Variants in MED13L observed in about 807,000 individuals in gnomAD.
MED13L encodes the protein mediator complex subunit 13L.
A neutral mutation model predicts 220.9 loss-of-function variants in MED13L; 7 were observed. The observed-to-expected ratio is 0.03, with a 90% CI of 0.02 to 0.06. The LOEUF is 0.06. Ranked by LOEUF, MED13L falls within the 10% of genes least tolerant of loss-of-function variation. The pLI, the probability that MED13L is intolerant of heterozygous loss-of-function variation, is 1.00. For synonymous variants in MED13L, 1,011 were observed against 1,015.2 expected (o/e 1.00, Z 0.08); for missense variants, 1,965 against 2,760.5 (o/e 0.71, Z 6.46).
intron 4 of MED13L, among the ~76,000 whole-genome samples, chr12:116,056,772 A>G (rs1869011022): frequency 6.6e-6 from 1 of 152,180 alleles, no homozygotes; most frequent in African/African-American, 2.4e-5. Context: ...ATGATTGCAC[A>G]ATTATAGGAT....
At chr12:115,968,819 T>C (rs1195146103) in intron 28 of MED13L, 121 bp downstream of exon 28, 3 of 1,261,144 alleles carry the variant, frequency 2.4e-6, no homozygotes, top group East Asian at 2.3e-5. Context: ...TTATTTCTCT[T>C]GTACCAAGGA....
At chr12:116,146,521 A>G (rs144104743) in intron 2 of MED13L, among the ~76,000 whole-genome samples, 241 of 151,612 alleles carry the variant, frequency 1.6e-3, no homozygotes, top group Non-Finnish European at 2.7e-3. Flanking sequence ...TTCTTTCAGC[A>G]TGGCCTAGGG....
intron 4 of MED13L, among the ~76,000 whole-genome samples, chr12:116,045,546 T>G (rs569093495): frequency 6.6e-6 from 1 of 152,170 alleles, no homozygotes; most frequent in Non-Finnish European, 1.5e-5. Context: ...CTATGGACAG[T>G]CTGTACTGAA....
intron 2 of MED13L, among the ~76,000 whole-genome samples, chr12:116,233,090 G>GAAAAAA (rs530903194): frequency 1.2e-5 from 1 of 82,952 alleles, no homozygotes. Context: ...CTGTCTAAAG[G>GAAAAAA]AAAAAAAAAA....
intron 1 of MED13L, among the ~76,000 whole-genome samples, chr12:116,241,337 A>C (rs886117578): frequency 6.6e-5 from 10 of 151,048 alleles, no homozygotes; most frequent in Non-Finnish European, 1.0e-4. Context: ...AAAAACAAAA[A>C]AAAAACACAC....
In MED13L at chr12:116,048,599, T is replaced by C. The variant is rs557185189; in HGVS notation, c.480-25998A>G. 5.3e-5 allele frequency among the ~76,000 whole-genome samples: 8 copies of C among 152,258 alleles called. No individual in the cohort carries two copies. In the South Asian group the frequency reaches 1.7e-3, roughly 32 times the overall value. Reference sequence around the variant, plus strand: ...CTTGTGATACCATATGGGCACCTTCTTCAGCTGATAATGCTTAAGAAATAA... The same window carrying C: ...CTTGTGATACCATATGGGCACCTTCCTCAGCTGATAATGCTTAAGAAATAA... On this transcript the variant is annotated intron_variant, in intron 4 of 30. Coordinates refer to ENST00000281928, the MANE Select transcript of MED13L (RefSeq NM_015335.5).
In MED13L at chr12:115,983,553, A is replaced by G. The variant is rs1284749965; in HGVS notation, c.4532-13T>C. 1 of 1,613,810 alleles carries G rather than the reference A, an allele frequency of 6.2e-7. No individual in the cohort carries two copies. The highest frequency in any genetic ancestry group is 1.7e-5 in the Admixed American group (1 of 60,012). On this transcript the variant is annotated splice_polypyrimidine_tract_variant and intron_variant, in intron 20 of 30. Transcript: ENST00000281928. ...GCTAAATAAGGTGCTGAAAGAATAC[A>G]TGCAAAGAGGTGACTTTAGTGATAT...
intron 3 of MED13L, among the ~76,000 whole-genome samples, chr12:116,100,598 C>CA (rs760855189): frequency 0.061 from 4,011 of 65,800 alleles, 104 homozygotes; most frequent in East Asian, 0.12. Context: ...GACTCCGTCT[C>CA]AAAAAAAAAA....
At chr12:116,044,707 G>A (rs540330615) in intron 4 of MED13L, among the ~76,000 whole-genome samples, 6 of 152,214 alleles carry the variant, frequency 3.9e-5, no homozygotes, top group East Asian at 1.9e-4. Flanking sequence ...ACTAATCCCC[G>A]GAAAAGTCAC....
At chr12:116,064,327 G>GA (rs1324879254) in intron 4 of MED13L, among the ~76,000 whole-genome samples, 2 of 152,150 alleles carry the variant, frequency 1.3e-5, no homozygotes, top group Non-Finnish European at 2.9e-5. Flanking sequence ...ATAATTACAA[G>GA]AAAAAAGTCT....
Position 116,262,818 on chromosome 12 carries a change from G to A in MED13L, c.72+14242C>T, listed in dbSNP as rs558637947. Among the ~76,000 whole-genome samples the A allele has an allele frequency of 2.6e-5, 4 of 152,160 alleles. No homozygotes were observed. The South Asian group carries it at 8.3e-4, about 32-fold the overall frequency. ...ATTCAAGAATAGCACCATCTGTCTG[G>A]GTTGCAAAGCTCAGTTTCACAACCT... is the stretch of plus-strand genomic sequence containing the variant. On this transcript the variant is annotated intron_variant, in intron 1 of 30. Coordinates refer to ENST00000281928, the MANE Select transcript of MED13L (RefSeq NM_015335.5).
At chr12:116,246,287 G>C (rs915731522) in intron 1 of MED13L, among the ~76,000 whole-genome samples, 1 of 150,736 alleles carries the variant, frequency 6.6e-6, no homozygotes, top group African/African-American at 2.4e-5. Context: ...CAAGAAGTCT[G>C]AAGATTCAGG....
intron 1 of MED13L, among the ~76,000 whole-genome samples, chr12:116,266,370 G>C (rs1298304718): frequency 6.6e-6 from 1 of 152,198 alleles, no homozygotes; most frequent in Non-Finnish European, 1.5e-5. Flanking sequence ...TATCAGCAAA[G>C]AGAAAGCAGC....
chr12:116,198,063 G>A (rs1385129109), intron 2 of MED13L, among the ~76,000 whole-genome samples: 3 of 151,974 alleles, frequency 2.0e-5, no homozygotes, highest in Non-Finnish European at 4.4e-5. Context: ...CTTATGTATG[G>A]CAGATAACCA....
chr12:116,208,204 G>C (rs116929374), intron 2 of MED13L, among the ~76,000 whole-genome samples: 3,136 of 152,248 alleles, frequency 0.021, 66 homozygotes, highest in Middle Eastern at 0.051. Flanking sequence ...AGACCAGCCT[G>C]GCTAACACGG....
intron 1 of MED13L, among the ~76,000 whole-genome samples, chr12:116,253,745 T>G (rs1399557577): frequency 1.4e-5 from 2 of 141,676 alleles, no homozygotes; most frequent in African/African-American, 2.7e-5. Flanking sequence ...ACCTTCACGG[T>G]TTTTTTTGTT....
chr12:116,063,937 C>CT (rs1221678074), intron 4 of MED13L, among the ~76,000 whole-genome samples: 1 of 152,080 alleles, frequency 6.6e-6, no homozygotes, highest in Non-Finnish European at 1.5e-5. Flanking sequence ...AATCCCAGCA[C>CT]TTTGAGATGG....
chr12:116,069,577 T>C (rs1223059001), intron 4 of MED13L, among the ~76,000 whole-genome samples: 19 of 152,240 alleles, frequency 1.2e-4, no homozygotes, highest in Admixed American at 1.2e-3. Context: ...TAAGGTCTAA[T>C]GAATGTGTTC....
chr12:116,028,263 G>GTA (rs1880521252), intron 4 of MED13L, among the ~76,000 whole-genome samples: 1 of 152,138 alleles, frequency 6.6e-6, no homozygotes, highest in Non-Finnish European at 1.5e-5. Context: ...ATATGTTAGG[G>GTA]TATACAGTGT....
Sources: allele counts gnomAD v4.1 joint callset (sites outside exome capture counted in the v4.1 genomes callset), GRCh38; gene constraint gnomAD v4.1.1; transcripts MANE v1.5; gene names NCBI Gene and HGNC (gene_info 2026-07-23, HGNC 2026-07-21).